Variants in LIPC observed in about 807,000 individuals in gnomAD.
The protein encoded by LIPC is hepatic triacylglycerol lipase.
Under a neutral mutation model 50.7 loss-of-function variants are expected in LIPC, and 44 were observed. The ratio of observed to expected loss-of-function variants is 0.87; its 90% CI spans 0.68 to 1.11. LIPC has a LOEUF of 1.11. Among genes scored for constraint, LIPC ranks in the 50% most tolerant of loss-of-function variants. The pLI is 0.00. For missense variants in LIPC, 697 were observed against 648.2 expected, an observed-to-expected ratio of 1.08 and a Z score of -0.82; for synonymous variants, 271 against 256.4, an observed-to-expected ratio of 1.06 and a Z score of -0.54.
At chr15:58,565,501 G>T (rs1182024079) in intron 8 of LIPC, 8 of 1,378,072 alleles carry the variant, frequency 5.8e-6, no homozygotes, top group Non-Finnish European at 7.5e-6. Context: ...ATTGAAGCAG[G>T]TGCTCCATGG....
chr15:58,538,637 TA>T (rs1566943412), intron 2 of LIPC, 120 bp downstream of exon 2: 1 of 969,668 alleles, frequency 1.0e-6, no homozygotes, highest in African/African-American at 1.6e-5. Context: ...GCATAATGTT[TA>T]TGAAGCACGT....
chr15:58,488,281 G>C (rs1891446261), intron 1 of LIPC, among the ~76,000 whole-genome samples: 1 of 152,188 alleles, frequency 6.6e-6, no homozygotes, highest in Non-Finnish European at 1.5e-5. Flanking sequence ...ATAAAGTTAA[G>C]AAGTTAGACT....
intron 1 of LIPC, among the ~76,000 whole-genome samples, chr15:58,437,572 G>A (rs1309783896): frequency 6.6e-6 from 1 of 152,110 alleles, no homozygotes; most frequent in African/African-American, 2.4e-5. Flanking sequence ...ATCAGCTACA[G>A]TTAGATTGGT....
chr15:58,535,115 C>A (rs1349129972), intron 1 of LIPC, among the ~76,000 whole-genome samples: 1 of 152,234 alleles, frequency 6.6e-6, no homozygotes. Context: ...CTAGACTTGA[C>A]TGATGCTTTA....
chr15:58,560,335 A>T (rs1297806462), intron 6 of LIPC, among the ~76,000 whole-genome samples: 3 of 152,170 alleles, frequency 2.0e-5, no homozygotes, highest in African/African-American at 7.2e-5. Context: ...AAACTCACAG[A>T]GCTTGTTTCC....
At chr15:58,485,746 G>C (rs1891351770) in intron 1 of LIPC, among the ~76,000 whole-genome samples, 1 of 152,218 alleles carries the variant, frequency 6.6e-6, no homozygotes, top group Non-Finnish European at 1.5e-5. Context: ...ATAAGCGAGA[G>C]AGCCCACTGA....
intron 1 of LIPC, among the ~76,000 whole-genome samples, chr15:58,513,847 G>A (rs568850876): frequency 6.6e-6 from 1 of 152,290 alleles, no homozygotes; most frequent in South Asian, 2.1e-4. Flanking sequence ...CATTTCTCTT[G>A]GGTGTGGTGG....
At chr15:58,489,354 A>G (rs1474933721) in intron 1 of LIPC, among the ~76,000 whole-genome samples, 2 of 152,068 alleles carry the variant, frequency 1.3e-5, no homozygotes, top group Admixed American at 1.3e-4. Context: ...ATTGTAGTAG[A>G]GTTTAACACA....
At chr15:58,514,533 G>C (rs1385426546) in intron 1 of LIPC, among the ~76,000 whole-genome samples, 1 of 152,168 alleles carries the variant, frequency 6.6e-6, no homozygotes, top group Non-Finnish European at 1.5e-5. Context: ...AGTATAAAAA[G>C]TTAATGCAGG....
intron 1 of LIPC, among the ~76,000 whole-genome samples, chr15:58,462,404 A>C (rs981348521): frequency 6.6e-6 from 1 of 152,194 alleles, no homozygotes; most frequent in African/African-American, 2.4e-5. Flanking sequence ...CCCCCTAAAC[A>C]GTATTACATT....
chr15:58,495,076 A>T (rs1195894271), intron 1 of LIPC, among the ~76,000 whole-genome samples: 5 of 152,204 alleles, frequency 3.3e-5, no homozygotes, highest in Admixed American at 3.3e-4. Flanking sequence ...TTTAGAACAC[A>T]GAAGACTTTC....
chr15:58,485,707 A>C (rs1318972847), intron 1 of LIPC, among the ~76,000 whole-genome samples: 1 of 152,236 alleles, frequency 6.6e-6, no homozygotes, highest in African/African-American at 2.4e-5. Context: ...GAATCAGAGA[A>C]GTTCCAAAGC....
rs368715480 is a variant in LIPC at position 58,544,177 on chromosome 15, A to G, written c.574+1526A>G. Among the ~76,000 whole-genome samples, 3 of 152,220 alleles carry G rather than the reference A, an allele frequency of 2.0e-5. No homozygotes were observed. In the East Asian group the frequency reaches 5.8e-4, roughly 30 times the overall value. ...TGAGCAGCCCTCCCACTGAAGAAGC[A>G]GGGCCAGAGGTCAGAGTCCACACCC... is the stretch of plus-strand genomic sequence containing the variant. On this transcript the variant is annotated intron_variant, in intron 4 of 8. Coordinates refer to ENST00000299022, the MANE Select transcript of LIPC (RefSeq NM_000236.3).
chr15:58,489,218 G>GTT (rs1891484982), intron 1 of LIPC, among the ~76,000 whole-genome samples: 2 of 32,654 alleles, frequency 6.1e-5, no homozygotes, highest in South Asian at 2.1e-3. Context: ...ATTTTGTTGC[G>GTT]GGGGCGGGGG....
intron 2 of LIPC, among the ~76,000 whole-genome samples, chr15:58,540,546 T>C (rs1893285174): frequency 6.6e-6 from 1 of 152,134 alleles, no homozygotes; most frequent in African/African-American, 2.4e-5. Context: ...AGGCACTTGG[T>C]AAATATCTAG....
intron 1 of LIPC, among the ~76,000 whole-genome samples, chr15:58,532,264 A>G (rs1296139589): frequency 6.6e-6 from 1 of 152,204 alleles, no homozygotes; most frequent in Non-Finnish European, 1.5e-5. Context: ...CAGTGACTAA[A>G]TTCCCACACA....
intron 1 of LIPC, among the ~76,000 whole-genome samples, chr15:58,495,207 T>C (rs1263850231): frequency 6.6e-6 from 1 of 152,242 alleles, no homozygotes; most frequent in South Asian, 2.1e-4. Flanking sequence ...CAGTGTGGGC[T>C]GGGCAGGTCA....
chr15:58,471,818 C>T (rs529918060), intron 1 of LIPC, among the ~76,000 whole-genome samples: 16 of 152,356 alleles, frequency 1.1e-4, no homozygotes, highest in African/African-American at 3.6e-4. Context: ...CCAATCACAA[C>T]TGCCCTTACT....
intron 1 of LIPC, among the ~76,000 whole-genome samples, chr15:58,460,727 G>T (rs558397516): frequency 6.6e-6 from 1 of 152,192 alleles, no homozygotes; most frequent in African/African-American, 2.4e-5. Flanking sequence ...GTTTTCCAGG[G>T]AGAGTTTAGA....
Sources: gnomAD v4.1 joint callset for allele counts (sites outside exome capture counted in the v4.1 genomes callset) on GRCh38, gnomAD v4.1.1 for gene constraint, MANE v1.5 for transcripts, NCBI Gene and HGNC (gene_info 2026-07-23, HGNC 2026-07-21) for gene names.